Variants in RSPO3 observed in about 807,000 individuals in gnomAD.
RSPO3 encodes the protein R-spondin 3, also known as R-spondin-3.
Under a neutral mutation model 36.5 loss-of-function variants are expected in RSPO3, and 17 were observed. The observed-to-expected ratio is 0.47, with a 90% CI of 0.32 to 0.70. The LOEUF (loss-of-function observed/expected upper bound fraction) is 0.70, where lower values mean the gene tolerates loss of function less well. RSPO3 is among the 30% of genes least tolerant of loss of function. The pLI is 0.04. For missense variants in RSPO3, 294 were observed against 322.5 expected, an observed-to-expected ratio of 0.91 and a Z score of 0.68; for synonymous variants, 108 against 107.0, an observed-to-expected ratio of 1.01 and a Z score of -0.06.
intron 1 of RSPO3, among the ~76,000 whole-genome samples, chr6:127,130,057 G>C (rs1343598871): frequency 6.6e-6 from 1 of 152,078 alleles, no homozygotes; most frequent in Non-Finnish European, 1.5e-5. Context: ...ATTCACTTTA[G>C]AAACATGGTG....
At chr6:127,133,698 A>G (rs1170675745) in intron 1 of RSPO3, among the ~76,000 whole-genome samples, 3 of 152,146 alleles carry the variant, frequency 2.0e-5, no homozygotes, top group African/African-American at 7.2e-5. Flanking sequence ...TGGAAGTTTT[A>G]GACCATATTT....
At position 127,120,629 on chromosome 6, in the gene RSPO3, C is replaced by G. The variant is rs541192389; in HGVS notation, c.97+1340C>G. ...GCTTCTCGGCCGCTGTTTGTCCCTG[C>G]CCTGCCCCTGGGCATGAGGGTCCCC... On this transcript the variant is annotated intron_variant, in intron 1 of 4. Coordinates refer to ENST00000356698, the MANE Select transcript of RSPO3 (RefSeq NM_032784.5). Among the ~76,000 whole-genome samples, 3 of 152,356 alleles carry G rather than the reference C, an allele frequency of 2.0e-5. No homozygotes were observed. In the South Asian group the frequency reaches 6.2e-4, roughly 32 times the overall value.
In RSPO3 at chr6:127,157,866, C is replaced by T. The variant is rs187005860; in HGVS notation, c.634+2428C>T. 1.1e-4 allele frequency among the ~76,000 whole-genome samples: 17 copies of T among 151,822 alleles called. No homozygotes were observed. In the South Asian group the frequency reaches 1.7e-3, roughly 15 times the overall value. On this transcript the variant is annotated intron_variant, in intron 4 of 4. Transcript: ENST00000356698. ...TAATCCTCCAGTTTTCTTAACTTCT[C>T]TTAAGGTTTAGTTAGCAAGTATCCT...
Position 127,195,952 on chromosome 6 carries a change from A to T in RSPO3, c.764A>T (p.Lys255Met). The change falls in exon 5 of 5, where the codon AAG (lysine) becomes ATG (methionine). Residue 255 changes from lysine (K) to methionine (M), a missense_variant. Transcript: ENST00000356698. ...PEQRENKQQQ[K>M]KRKVQDKQKS... Reference sequence around the variant, plus strand: ...CAACGAGAAAACAAACAGCAGCAGAAGAAGCGAAAAGTCCAAGATAAACAG... The same window carrying T: ...CAACGAGAAAACAAACAGCAGCAGATGAAGCGAAAAGTCCAAGATAAACAG... 6.2e-6 allele frequency: 10 copies of T among 1,613,162 alleles called. No individual in the cohort carries two copies. Among genetic ancestry groups the T allele is most frequent in the Non-Finnish European group, 8.5e-6 (10 of 1,179,306 alleles).
intron 4 of RSPO3, among the ~76,000 whole-genome samples, chr6:127,174,676 G>A (rs191189372): frequency 1.7e-4 from 26 of 151,922 alleles, no homozygotes; most frequent in African/African-American, 5.8e-4. Context: ...TTAAGTGTAT[G>A]TGTGCTACAC....
intron 4 of RSPO3, among the ~76,000 whole-genome samples, chr6:127,189,295 T>G (rs1775360500): frequency 6.6e-6 from 1 of 151,678 alleles, no homozygotes; most frequent in Admixed American, 6.6e-5. Flanking sequence ...GCCAGATAAT[T>G]CAACAGTAAG....
rs531111738 is a variant in RSPO3 at position 127,196,109 on chromosome 6, A to G, written c.*102A>G. ...AGGACCACAAATGGACATGTCAGTT[A>G]TTGCTCTGTCTAAACAACATTCCCA... On this transcript the variant is annotated 3_prime_UTR_variant, in exon 5 of 5. Coordinates refer to ENST00000356698, the MANE Select transcript of RSPO3 (RefSeq NM_032784.5). 3.8e-5 allele frequency: 37 copies of G among 964,266 alleles called. No individual in the cohort carries two copies. The East Asian group carries it at 9.3e-4, about 24-fold the overall frequency. 59.7% of individuals were successfully genotyped at this position (964,266 alleles called of 1,614,324 possible).
chr6:127,183,744 T>C (rs182972841), intron 4 of RSPO3, among the ~76,000 whole-genome samples: 1 of 152,098 alleles, frequency 6.6e-6, no homozygotes, highest in Admixed American at 6.6e-5. Context: ...GCCTTACATG[T>C]CTCCCCTTGT....
intron 2 of RSPO3, among the ~76,000 whole-genome samples, chr6:127,149,978 T>C (rs1774457211): frequency 6.6e-6 from 1 of 152,038 alleles, no homozygotes; most frequent in Admixed American, 6.6e-5. Context: ...CTCTTGTGCA[T>C]TGCTGTCAAC....
chr6:127,176,386 C>T (rs1202484633), intron 4 of RSPO3, among the ~76,000 whole-genome samples: 2 of 151,634 alleles, frequency 1.3e-5, no homozygotes, highest in African/African-American at 2.4e-5. Context: ...AATACAAGCT[C>T]GTAACAAAAG....
At chr6:127,120,639 G>A (rs547215639) in intron 1 of RSPO3, among the ~76,000 whole-genome samples, 15 of 152,242 alleles carry the variant, frequency 9.9e-5, no homozygotes, top group Non-Finnish European at 1.8e-4. Context: ...CCCTGCCCCT[G>A]GGCATGAGGG....
At chr6:127,179,019 C>T (rs977765060) in intron 4 of RSPO3, among the ~76,000 whole-genome samples, 3 of 151,818 alleles carry the variant, frequency 2.0e-5, no homozygotes, top group Non-Finnish European at 4.4e-5. Flanking sequence ...TAAAGAATGT[C>T]CCTGTTTTCA....
rs1362746189 is a variant in RSPO3 at position 127,118,836 on chromosome 6, A to AGCCGCC, written c.-345_-340dup. On this transcript the variant is annotated 5_prime_UTR_variant, in exon 1 of 5. Coordinates refer to ENST00000356698, the MANE Select transcript of RSPO3 (RefSeq NM_032784.5). ...TCTGAGCCCAAGGGGCCGCCGCTGC[A>AGCCGCC]GCCGCCGCCGCCGCCGCTCGCCCGC... 6.2e-6 allele frequency: 1 copy of AGCCGCC among 160,804 alleles called. No individual in the cohort carries two copies. The highest frequency in any genetic ancestry group is 1.7e-4 in the South Asian group (1 of 5,766). 10.0% of individuals were successfully genotyped at this position (160,804 alleles called of 1,614,324 possible).
intron 1 of RSPO3, among the ~76,000 whole-genome samples, chr6:127,140,537 A>C (rs1936802): frequency 0.56 from 85,139 of 152,040 alleles, 23,844 homozygotes; most frequent in African/African-American, 0.6. Flanking sequence ...GAACATTTTC[A>C]TCTAATATAC....
At chr6:127,177,940 G>A (rs189584560) in intron 4 of RSPO3, among the ~76,000 whole-genome samples, 161 of 151,508 alleles carry the variant, frequency 1.1e-3, no homozygotes, top group Non-Finnish European at 1.7e-3. Context: ...CTTTTGTCAC[G>A]TTAGTATTAG....
chr6:127,129,245 A>C (rs912508614), intron 1 of RSPO3, among the ~76,000 whole-genome samples: 1 of 151,974 alleles, frequency 6.6e-6, no homozygotes, highest in Non-Finnish European at 1.5e-5. Context: ...TATCATTTCT[A>C]CTTCACTCCT....
chr6:127,142,513 C>T (rs1774293585), intron 1 of RSPO3, among the ~76,000 whole-genome samples: 2 of 152,126 alleles, frequency 1.3e-5, no homozygotes, highest in Admixed American at 1.3e-4. Context: ...CTAATCAAGT[C>T]CCAAGATATG....
At position 127,196,948 on chromosome 6, in the gene RSPO3, C is replaced by G. The variant is rs961885426; in HGVS notation, c.*941C>G. ...ATTTTATTACCTGCTTAATGGTCCA[C>G]CTGGAACTAAAAGGGATACTATTTT... On this transcript the variant is annotated 3_prime_UTR_variant, in exon 5 of 5. Transcript: ENST00000356698. 6.5e-6 allele frequency: 1 copy of G among 152,808 alleles called. No individual in the cohort carries two copies. Among genetic ancestry groups the G allele is most frequent in the African/African-American group, 2.4e-5 (1 of 41,320 alleles). The allele number at this position is 152,808 out of a possible 1,614,324, so 9.5% of individuals were successfully genotyped here. A position where few individuals can be genotyped will look rare whatever the true frequency, so the allele number is the denominator to read the frequency against.
At chr6:127,157,452 T>C (rs981486799) in intron 4 of RSPO3, among the ~76,000 whole-genome samples, 1 of 152,100 alleles carries the variant, frequency 6.6e-6, no homozygotes, top group Non-Finnish European at 1.5e-5. Context: ...ACATTGAAAA[T>C]GTCAACTGTT....
Sources: gnomAD v4.1 joint callset for allele counts (sites outside exome capture counted in the v4.1 genomes callset) on GRCh38, gnomAD v4.1.1 for gene constraint, MANE v1.5 for transcripts, NCBI Gene and HGNC (gene_info 2026-07-23, HGNC 2026-07-21) for gene names.